The following CAMKMT variants were observed in gnomAD, a reference collection of about 807,000 sequenced individuals.
CAMKMT encodes the protein CaM KMT.
CAMKMT carries 53 observed loss-of-function variants against 48.0 expected under a neutral mutation model. That is an observed-to-expected ratio of 1.10 (90% confidence interval 0.89 to 1.39). The LOEUF is 1.39. Ranked by LOEUF, CAMKMT falls within the 40% of genes most tolerant of loss-of-function variation. The probability of loss-of-function intolerance (pLI) is 0.00; values close to 1 mark genes in which losing one functional copy is unlikely to be tolerated. For synonymous variants in CAMKMT, 165 were observed against 152.3 expected (o/e 1.08, Z -0.61); for missense variants, 428 against 402.7 (o/e 1.06, Z -0.54).
At chr2:44,763,114 A>G (rs1680684423) in intron 9 of CAMKMT, among the ~76,000 whole-genome samples, 1 of 151,880 alleles carries the variant, frequency 6.6e-6, no homozygotes, top group Non-Finnish European at 1.5e-5. Flanking sequence ...GGGGAGGGGG[A>G]GATGCTGGCA....
chr2:44,615,639 G>A (rs1671846496), intron 3 of CAMKMT, among the ~76,000 whole-genome samples: 1 of 152,046 alleles, frequency 6.6e-6, no homozygotes, highest in Non-Finnish European at 1.5e-5. Context: ...CATTTGAGGG[G>A]CATTGGGCAT....
intron 3 of CAMKMT, among the ~76,000 whole-genome samples, chr2:44,503,984 G>GAGAGAGAGA (rs1553404273): frequency 7.0e-6 from 1 of 142,596 alleles, no homozygotes; most frequent in African/African-American, 2.7e-5. Flanking sequence ...GAGCGGGTGG[G>GAGAGAGAGA]GAGAGAGAGA....
intron 3 of CAMKMT, chr2:44,549,426 C>A: frequency 3.3e-6 from 2 of 604,778 alleles, no homozygotes; most frequent in Non-Finnish European, 2.9e-6. Context: ...AGAGAAGAAC[C>A]TCTCTCACAC....
Position 44,420,305 on chromosome 2 carries a change from C to T in CAMKMT, c.376+30000C>T, listed in dbSNP as rs1297930403. 5.3e-5 allele frequency among the ~76,000 whole-genome samples: 8 copies of T among 152,218 alleles called. No homozygotes were observed. In the East Asian group the frequency reaches 1.2e-3, roughly 22 times the overall value. ...TCTAATTAATATTTACTGTTGCTTTCATATTGTTTTTATCTTTCTTTAATC... is the reference window on the plus strand; with the variant it reads ...TCTAATTAATATTTACTGTTGCTTTTATATTGTTTTTATCTTTCTTTAATC... On this transcript the variant is annotated intron_variant, in intron 3 of 10. Coordinates refer to ENST00000378494, the MANE Select transcript of CAMKMT (RefSeq NM_024766.5).
At chr2:44,455,283 A>G (rs1241628589) in intron 3 of CAMKMT, among the ~76,000 whole-genome samples, 1 of 151,606 alleles carries the variant, frequency 6.6e-6, no homozygotes, top group Non-Finnish European at 1.5e-5. Flanking sequence ...GAAGATGGGC[A>G]GGATGAAAGA....
At chr2:44,494,497 A>T (rs1305513703) in intron 3 of CAMKMT, among the ~76,000 whole-genome samples, 1 of 152,222 alleles carries the variant, frequency 6.6e-6, no homozygotes, top group African/African-American at 2.4e-5. Flanking sequence ...TTGCTAAGGG[A>T]TAATGGTCAT....
intron 3 of CAMKMT, among the ~76,000 whole-genome samples, chr2:44,621,266 CAAAAAAAAA>C (rs10667154): frequency 1.2e-5 from 1 of 84,556 alleles, no homozygotes. Context: ...GACTCCATCT[CAAAAAAAAA>C]AAAAAAAAAA....
At chr2:44,375,199 T>C (rs1158974491) in intron 2 of CAMKMT, among the ~76,000 whole-genome samples, 1 of 151,896 alleles carries the variant, frequency 6.6e-6, no homozygotes, top group Non-Finnish European at 1.5e-5. Context: ...TTTTTAATAT[T>C]ACTTGGAATA....
intron 3 of CAMKMT, among the ~76,000 whole-genome samples, chr2:44,526,077 A>G (rs1459993872): frequency 2.0e-5 from 3 of 152,106 alleles, no homozygotes; most frequent in African/African-American, 4.8e-5. Context: ...TGATGAGTTC[A>G]TGTCCTTTGT....
chr2:44,754,009 T>G, intron 8 of CAMKMT, 46 bp from the exon 9 acceptor site: 1 of 1,457,442 alleles, frequency 6.9e-7, no homozygotes, highest in African/African-American at 1.4e-5. Context: ...ATCATTAGAC[T>G]TGAAAACCCA....
At chr2:44,750,876 G>A (rs1476216583) in intron 8 of CAMKMT, among the ~76,000 whole-genome samples, 1 of 152,198 alleles carries the variant, frequency 6.6e-6, no homozygotes, top group Non-Finnish European at 1.5e-5. Context: ...AGCTGGGCAT[G>A]ATGGCGCATG....
At chr2:44,680,109 C>T (rs1419937273) in intron 3 of CAMKMT, among the ~76,000 whole-genome samples, 1 of 152,138 alleles carries the variant, frequency 6.6e-6, no homozygotes, top group African/African-American at 2.4e-5. Context: ...TTTCATGATA[C>T]TGTGACACTG....
At chr2:44,756,714 C>T (rs866228976) in intron 9 of CAMKMT, among the ~76,000 whole-genome samples, 3 of 150,610 alleles carry the variant, frequency 2.0e-5, no homozygotes, top group African/African-American at 2.4e-5. Context: ...TGCATTCTGG[C>T]CTGGGCGACA....
At chr2:44,703,955 A>G (rs1165741268) in intron 3 of CAMKMT, among the ~76,000 whole-genome samples, 1 of 152,106 alleles carries the variant, frequency 6.6e-6, no homozygotes, top group African/African-American at 2.4e-5. Flanking sequence ...AATTAATTTT[A>G]TGTGCACAAG....
chr2:44,435,507 G>A (rs963506718), intron 3 of CAMKMT, among the ~76,000 whole-genome samples: 7 of 152,180 alleles, frequency 4.6e-5, no homozygotes, highest in African/African-American at 1.4e-4. Flanking sequence ...TCAGTTGGAT[G>A]ATGATTCAGT....
intron 3 of CAMKMT, among the ~76,000 whole-genome samples, chr2:44,512,805 T>C (rs1400207787): frequency 6.6e-6 from 1 of 151,608 alleles, no homozygotes; most frequent in African/African-American, 2.4e-5. Context: ...TTTTCAATGT[T>C]TTTTTCTTAA....
At chr2:44,434,396 G>A (rs938153628) in intron 3 of CAMKMT, among the ~76,000 whole-genome samples, 1 of 152,102 alleles carries the variant, frequency 6.6e-6, no homozygotes, top group Non-Finnish European at 1.5e-5. Flanking sequence ...GTAGGAATTT[G>A]TTGCTTCTAA....
intron 2 of CAMKMT, among the ~76,000 whole-genome samples, chr2:44,377,809 C>G (rs543320674): frequency 6.6e-6 from 1 of 151,940 alleles, no homozygotes; most frequent in Non-Finnish European, 1.5e-5. Context: ...TCTATTATAA[C>G]AAATGCACTA....
chr2:44,453,235 ATTTAC>A (rs1667386302), intron 3 of CAMKMT, among the ~76,000 whole-genome samples: 5 of 151,964 alleles, frequency 3.3e-5, no homozygotes, highest in Admixed American at 2.6e-4. Context: ...ATATGTGCAT[ATTTAC>A]TTATACTCAC....
Sources: allele counts gnomAD v4.1 joint callset (sites outside exome capture counted in the v4.1 genomes callset), GRCh38; gene constraint gnomAD v4.1.1; transcripts MANE v1.5; gene names NCBI Gene and HGNC (gene_info 2026-07-23, HGNC 2026-07-21).